GALNT9: variants seen among roughly 807,000 people sequenced by gnomAD.
GALNT9 encodes GalNAc transferase 9.
Under a neutral mutation model 63.1 loss-of-function variants are expected in GALNT9, and 47 were observed. The observed-to-expected ratio is 0.75, with a 90% CI of 0.59 to 0.95. GALNT9 has a LOEUF of 0.95. Among genes scored for constraint, GALNT9 ranks in the 40% least tolerant of loss-of-function variants. GALNT9 has a pLI of 0.00. For synonymous variants in GALNT9, 396 were observed against 365.7 expected (o/e 1.08, Z -0.94); for missense variants, 829 against 874.8 (o/e 0.95, Z 0.66).
chr12:132,295,344 C>A (rs925318870), intron 1 of GALNT9, among the ~76,000 whole-genome samples: 1 of 152,346 alleles, frequency 6.6e-6, no homozygotes. Context: ...CCGTGCAGGC[C>A]GAGAGCCAAA....
At chr12:132,290,495 G>A (rs1053426955) in intron 1 of GALNT9, among the ~76,000 whole-genome samples, 3 of 152,158 alleles carry the variant, frequency 2.0e-5, no homozygotes, top group Admixed American at 2.0e-4. Flanking sequence ...AGCACAGGAG[G>A]AGGAAGCAGA....
chr12:132,208,760 TTG>T (rs1876831557), intron 6 of GALNT9, among the ~76,000 whole-genome samples: 1 of 152,174 alleles, frequency 6.6e-6, no homozygotes, highest in African/African-American at 2.4e-5. Flanking sequence ...AAGGAAATGG[TTG>T]TCTTAGGCCG....
At chr12:132,312,652 C>T (rs1446009773) in intron 1 of GALNT9, among the ~76,000 whole-genome samples, 1 of 152,234 alleles carries the variant, frequency 6.6e-6, no homozygotes, top group Non-Finnish European at 1.5e-5. Flanking sequence ...GGGTCAAAGA[C>T]AGGAGGAGAC....
chr12:132,297,603 C>T (rs1435359877), intron 1 of GALNT9, among the ~76,000 whole-genome samples: 1 of 151,752 alleles, frequency 6.6e-6, no homozygotes, highest in African/African-American at 2.4e-5. Context: ...AACTCACTCC[C>T]ATGATAACCA....
chr12:132,201,065 T>C, intron 8 of GALNT9, 59 bp downstream of exon 8: 1 of 1,530,060 alleles, frequency 6.5e-7, no homozygotes, highest in Non-Finnish European at 9.0e-7. Context: ...TGCATACGTG[T>C]GCAGGAGTCA....
chr12:132,322,944 A>G (rs1234828898), intron 1 of GALNT9, among the ~76,000 whole-genome samples: 2 of 152,216 alleles, frequency 1.3e-5, no homozygotes, highest in Non-Finnish European at 2.9e-5. Context: ...CGTACGGGAA[A>G]GCCCAGGCCA....
rs1555236373 is a variant in GALNT9, at chr12:132,236,868, G to T, written c.1077+11042C>A. Reference sequence around the variant, plus strand: ...GGGTTGGTTTGGCTGTGGTCTTTGTGGCATCGGGATGGGAAAGCCATGTGG... The same window carrying T: ...GGGTTGGTTTGGCTGTGGTCTTTGTTGCATCGGGATGGGAAAGCCATGTGG... On this transcript the variant is annotated intron_variant, in intron 6 of 10. Coordinates refer to ENST00000328957, the MANE Select transcript of GALNT9 (RefSeq NM_001122636.2). The surrounding 1 kb of genome is among the most constrained non-coding windows in gnomAD (Gnocchi z 5.6). 1.3e-5 allele frequency among the ~76,000 whole-genome samples: 2 copies of T among 152,144 alleles called. No homozygotes were observed. Among genetic ancestry groups the T allele is most frequent in the Admixed American group, 6.5e-5 (1 of 15,280 alleles).
chr12:132,313,747 C>A (rs1487028367), intron 1 of GALNT9, among the ~76,000 whole-genome samples: 4 of 141,170 alleles, frequency 2.8e-5, no homozygotes, highest in Non-Finnish European at 6.2e-5. Flanking sequence ...CTCATCCATT[C>A]ATCCATCCAC....
intron 5 of GALNT9, among the ~76,000 whole-genome samples, chr12:132,250,239 A>G (rs1555238416): frequency 6.6e-6 from 1 of 152,110 alleles, no homozygotes; most frequent in African/African-American, 2.4e-5. Context: ...CAGAAGAGGC[A>G]AGTCCACGGG....
At chr12:132,277,729 G>T (rs1321453668) in intron 2 of GALNT9, 1 of 152,256 alleles carries the variant, frequency 6.6e-6, no homozygotes, top group Non-Finnish European at 1.5e-5. Context: ...AGGCACGTAG[G>T]TTCCGGAAGG....
At chr12:132,299,583 T>C (rs1881214875) in intron 1 of GALNT9, among the ~76,000 whole-genome samples, 1 of 127,274 alleles carries the variant, frequency 7.9e-6, no homozygotes, top group Non-Finnish European at 1.7e-5. Flanking sequence ...ACTCCCATGA[T>C]AACTAACCCA....
chr12:132,317,558 G>C (rs925781488), intron 1 of GALNT9, among the ~76,000 whole-genome samples: 25 of 152,268 alleles, frequency 1.6e-4, no homozygotes, highest in African/African-American at 6.0e-4. Flanking sequence ...ACTCCAGTGA[G>C]TCTGTTAAAA....
rs11247017 is a variant in GALNT9, at chr12:132,219,861, C to T, written c.1078-16171G>A. Among the ~76,000 whole-genome samples, 89 of 18,804 alleles carry T rather than the reference C, an allele frequency of 4.7e-3. 1 individual carries two copies. Among genetic ancestry groups the T allele is most frequent in the African/African-American group, 0.027 (76 of 2,828 alleles). 12.3% of individuals were successfully genotyped at this position (18,804 alleles called of 152,430 possible). A position where few individuals can be genotyped will look rare whatever the true frequency, so the allele number is the denominator to read the frequency against. On this transcript the variant is annotated intron_variant, in intron 6 of 10. Transcript: ENST00000328957. Reference sequence around the variant, plus strand: ...GCACCTCCCCAGGGTGACACCCGCCCGGGAAAGGGGAAGGGGTACCTCCCC... The same window carrying T: ...GCACCTCCCCAGGGTGACACCCGCCTGGGAAAGGGGAAGGGGTACCTCCCC...
intron 6 of GALNT9, among the ~76,000 whole-genome samples, chr12:132,210,833 C>T (rs540957235): frequency 1.8e-5 from 2 of 111,240 alleles, no homozygotes; most frequent in South Asian, 3.0e-4. Flanking sequence ...GTCTGGAGGT[C>T]GCCGTCTGGA....
At chr12:132,210,957 G>A (rs1876934486) in intron 6 of GALNT9, among the ~76,000 whole-genome samples, 1 of 152,020 alleles carries the variant, frequency 6.6e-6, no homozygotes, top group Non-Finnish European at 1.5e-5. Flanking sequence ...CTGAATCCTG[G>A]CAAAACCATC....
intron 6 of GALNT9, among the ~76,000 whole-genome samples, chr12:132,240,047 GATCC>G (rs1469156373): frequency 6.6e-6 from 1 of 152,198 alleles, no homozygotes; most frequent in Non-Finnish European, 1.5e-5. Context: ...AACACAGGAA[GATCC>G]ACAGTCCTTG....
intron 8 of GALNT9, among the ~76,000 whole-genome samples, chr12:132,200,090 T>C (rs10736916): frequency 0.78 from 118,755 of 152,136 alleles, 46,574 homozygotes; most frequent in African/African-American, 0.85. Flanking sequence ...AGAGGGGCGG[T>C]GCCCCGATGC....
In GALNT9 at chr12:132,321,468, G is replaced by A. The variant is rs1005593503; in HGVS notation, c.238+7498C>T. Reference sequence around the variant, plus strand: ...AGGCACCCACAGTGTCACATCCCTCGTCAAGAACCTTCTGGCATGGTCCGG... The same window carrying A: ...AGGCACCCACAGTGTCACATCCCTCATCAAGAACCTTCTGGCATGGTCCGG... On this transcript the variant is annotated intron_variant, in intron 1 of 10. Transcript: ENST00000328957. 5.3e-5 allele frequency among the ~76,000 whole-genome samples: 8 copies of A among 152,128 alleles called. No homozygotes were observed. In the South Asian group the frequency reaches 6.2e-4, roughly 12 times the overall value.
In GALNT9 at chr12:132,238,385, G is replaced by A. The variant is rs1019638977; in HGVS notation, c.1077+9525C>T. ...CCGGGCAGGGGGACGTGGAGACGGC[G>A]CACTCATAACCCTACTACGGCTTCC... On this transcript the variant is annotated intron_variant, in intron 6 of 10. Transcript: ENST00000328957. The surrounding 1 kb of genome is among the most constrained non-coding windows in gnomAD (Gnocchi z 6.5). Among the ~76,000 whole-genome samples, 3 of 152,106 alleles carry A rather than the reference G, an allele frequency of 2.0e-5. No homozygotes were observed. Among genetic ancestry groups the A allele is most frequent in the Non-Finnish European group, 2.9e-5 (2 of 68,002 alleles).
Sources: allele counts gnomAD v4.1 joint callset (sites outside exome capture counted in the v4.1 genomes callset), GRCh38; gene constraint gnomAD v4.1.1; non-coding constraint Gnocchi (gnomAD v3.1); transcripts MANE v1.5; gene names NCBI Gene and HGNC (gene_info 2026-07-23, HGNC 2026-07-21).